The following MECOM variants were observed in gnomAD, a reference collection of about 807,000 sequenced individuals.
The protein encoded by MECOM is histone-lysine N-methyltransferase MECOM.
A neutral mutation model predicts 116.3 loss-of-function variants in MECOM; 13 were observed. That is an observed-to-expected ratio of 0.11 (90% CI 0.07 to 0.18). The LOEUF is 0.18. Ranked by LOEUF, MECOM falls within the 10% of genes least tolerant of loss-of-function variation. The pLI is 1.00. For missense variants in MECOM, 1,299 were observed against 1,509.0 expected, an observed-to-expected ratio of 0.86 and a Z score of 2.31; for synonymous variants, 528 against 535.2, an observed-to-expected ratio of 0.99 and a Z score of 0.19.
intron 1 of MECOM, among the ~76,000 whole-genome samples, chr3:169,601,692 T>G (rs1183642430): frequency 6.6e-6 from 1 of 152,152 alleles, no homozygotes; most frequent in African/African-American, 2.4e-5. Context: ...CAGGCTCACG[T>G]CACACTTAGA....
At chr3:169,472,841 C>T (rs1011666120) in intron 1 of MECOM, 16 of 292,864 alleles carry the variant, frequency 5.5e-5, no homozygotes, top group South Asian at 1.3e-4. Context: ...TGTGTTTAAC[C>T]GACATAAAGT....
intron 1 of MECOM, among the ~76,000 whole-genome samples, chr3:169,524,809 T>C (rs1427854304): frequency 1.3e-5 from 2 of 152,192 alleles, no homozygotes; most frequent in African/African-American, 2.4e-5. Context: ...TGTAATGAGA[T>C]TGAATTTATC....
chr3:169,206,824 G>A (rs4441704), intron 2 of MECOM, among the ~76,000 whole-genome samples: 103,252 of 151,088 alleles, frequency 0.68, 35,342 homozygotes, highest in South Asian at 0.75. Context: ...TAAGTGTGTA[G>A]CCCAGGCATA....
At chr3:169,378,806 G>A (rs375995095) in intron 2 of MECOM, among the ~76,000 whole-genome samples, 304 of 152,184 alleles carry the variant, frequency 2.0e-3, no homozygotes, top group African/African-American at 7.0e-3. Context: ...GTTCAGTTAT[G>A]ATAGGCTGAG....
chr3:169,604,223 C>A (rs552518120), intron 1 of MECOM, among the ~76,000 whole-genome samples: 1 of 147,996 alleles, frequency 6.8e-6, no homozygotes, highest in South Asian at 2.1e-4. Flanking sequence ...AGAGAGAAAT[C>A]TCTCTCTCTC....
At chr3:169,263,289 C>T (rs1336481871) in intron 2 of MECOM, among the ~76,000 whole-genome samples, 1 of 150,610 alleles carries the variant, frequency 6.6e-6, no homozygotes, top group African/African-American at 2.4e-5. Context: ...CCACCATGCT[C>T]GGTTAATCTT....
At chr3:169,135,132 T>A (rs1735968288) in intron 3 of MECOM, among the ~76,000 whole-genome samples, 1 of 152,112 alleles carries the variant, frequency 6.6e-6, no homozygotes, top group Non-Finnish European at 1.5e-5. Context: ...ATCTGTGTTA[T>A]GTGCCATAAG....
chr3:169,328,125 G>A (rs962776724), intron 2 of MECOM, among the ~76,000 whole-genome samples: 1 of 152,078 alleles, frequency 6.6e-6, no homozygotes, highest in Non-Finnish European at 1.5e-5. Flanking sequence ...TGTTTGACCC[G>A]ACTGAACTTT....
At chr3:169,510,821 G>A (rs1031181793) in intron 1 of MECOM, among the ~76,000 whole-genome samples, 2 of 152,168 alleles carry the variant, frequency 1.3e-5, no homozygotes, top group Admixed American at 6.5e-5. Flanking sequence ...GGCAGGGAGA[G>A]GGGGGCAAAT....
chr3:169,198,072 G>C (rs1357687335), intron 2 of MECOM, among the ~76,000 whole-genome samples: 1 of 151,934 alleles, frequency 6.6e-6, no homozygotes, highest in Non-Finnish European at 1.5e-5. Flanking sequence ...GAATCTATTT[G>C]CCAACATTGG....
chr3:169,467,343 T>A (rs936586304), intron 1 of MECOM, among the ~76,000 whole-genome samples: 1 of 152,018 alleles, frequency 6.6e-6, no homozygotes, highest in Non-Finnish European at 1.5e-5. Flanking sequence ...ACCTAGACAG[T>A]TATGTCCTCC....
chr3:169,418,718 A>G (rs770084360), intron 1 of MECOM, among the ~76,000 whole-genome samples: 1 of 152,158 alleles, frequency 6.6e-6, no homozygotes, highest in Non-Finnish European at 1.5e-5. Context: ...AAAAACACTC[A>G]ATAAACTAGG....
intron 2 of MECOM, among the ~76,000 whole-genome samples, chr3:169,359,161 C>T (rs1184204047): frequency 2.0e-5 from 3 of 151,700 alleles, no homozygotes; most frequent in African/African-American, 4.8e-5. Context: ...GTAACTTCAT[C>T]CTATTTCATG....
At chr3:169,537,772 T>C (rs1759571126) in intron 1 of MECOM, among the ~76,000 whole-genome samples, 1 of 152,110 alleles carries the variant, frequency 6.6e-6, no homozygotes, top group Admixed American at 6.5e-5. Context: ...AAATGCCTTT[T>C]TCTTTTACTT....
intron 2 of MECOM, among the ~76,000 whole-genome samples, chr3:169,209,670 G>C (rs906287976): frequency 9.2e-5 from 14 of 152,164 alleles, no homozygotes; most frequent in Non-Finnish European, 2.1e-4. Flanking sequence ...TCTCCCGCCA[G>C]TCAGAATGGC....
At chr3:169,146,103 C>T (rs1216053171) in intron 2 of MECOM, 1 of 380,846 alleles carries the variant, frequency 2.6e-6, no homozygotes, top group East Asian at 5.6e-5. Context: ...ATATAACACA[C>T]TCCTGTGTTT....
At chr3:169,173,205 T>C (rs544128518) in intron 2 of MECOM, among the ~76,000 whole-genome samples, 10 of 152,310 alleles carry the variant, frequency 6.6e-5, no homozygotes, top group African/African-American at 2.2e-4. Flanking sequence ...TTGGCATTTA[T>C]GACCCACCCT....
In MECOM at chr3:169,128,057, T is replaced by C. The variant is rs773073389; in HGVS notation, c.617A>G (p.Glu206Gly). 1.9e-6 allele frequency: 3 copies of C among 1,613,956 alleles called. No individual in the cohort carries two copies. Among genetic ancestry groups the C allele is most frequent in the Non-Finnish European group, 2.5e-6 (3 of 1,179,868 alleles). ...HETMAPDIHE[E>G]RQYRCEDCDQ... ...ACAGTCTTCGCAGCGATATTGCCGTTCTTCTGTGAAAACAATTCAGGTGTT... is the reference window on the plus strand; with the variant it reads ...ACAGTCTTCGCAGCGATATTGCCGTCCTTCTGTGAAAACAATTCAGGTGTT... Residue 206 changes from glutamate (E) to glycine (G), a missense_variant, in exon 5 of 17, where the codon GAA (glutamate) becomes GGA (glycine). This residue lies in a region of MECOM where 374 missense variants were observed against 433.4 expected (regional missense o/e 0.86). Transcript: ENST00000651503.
intron 2 of MECOM, among the ~76,000 whole-genome samples, chr3:169,317,655 C>T (rs1288000145): frequency 6.6e-6 from 1 of 152,114 alleles, no homozygotes; most frequent in Non-Finnish European, 1.5e-5. Flanking sequence ...TTTAAATATC[C>T]ACAACTGTCA....
Sources: gnomAD v4.1 joint callset for allele counts (sites outside exome capture counted in the v4.1 genomes callset) on GRCh38, gnomAD v4.1.1 for gene constraint, gnomAD v4.1.1 regional missense constraint, MANE v1.5 for transcripts, NCBI Gene and HGNC (gene_info 2026-07-23, HGNC 2026-07-21) for gene names.